RAPGEF4: variants seen among roughly 807,000 people sequenced by gnomAD.
RAPGEF4 encodes the protein Rap guanine nucleotide exchange factor 4, also known as RAP guanine-nucleotide-exchange factor (GEF) 4.
In RAPGEF4, 66 loss-of-function variants were observed where a neutral mutation model predicts 147.9. The ratio of observed to expected loss-of-function variants is 0.45; its 90% CI spans 0.37 to 0.55. The LOEUF (loss-of-function observed/expected upper bound fraction) is 0.55, where lower values mean the gene tolerates loss of function less well. Ranked by LOEUF, RAPGEF4 falls within the 20% of genes least tolerant of loss-of-function variation. The pLI, the probability that RAPGEF4 is intolerant of heterozygous loss-of-function variation, is 0.00. For synonymous variants in RAPGEF4, 419 were observed against 442.7 expected (o/e 0.95, Z 0.67); for missense variants, 1,071 against 1,257.3 (o/e 0.85, Z 2.24).
At chr2:173,032,428 C>T (rs1396271108) in intron 26 of RAPGEF4, among the ~76,000 whole-genome samples, 3 of 152,074 alleles carry the variant, frequency 2.0e-5, no homozygotes, top group African/African-American at 7.2e-5. Context: ...TTTTTATTAC[C>T]CTGTGCCCTA....
intron 4 of RAPGEF4, among the ~76,000 whole-genome samples, chr2:172,816,356 T>A (rs1404451215): frequency 6.6e-6 from 1 of 152,050 alleles, no homozygotes; most frequent in Non-Finnish European, 1.5e-5. Context: ...GGTCAATTTC[T>A]CCCAAATTCA....
chr2:173,001,181 C>A, intron 16 of RAPGEF4, 85 bp from the exon 17 acceptor site: 1 of 1,579,460 alleles, frequency 6.3e-7, no homozygotes. Flanking sequence ...GAACCAATGA[C>A]TAAGAACAAG....
At chr2:172,980,053 G>A (rs1691513226) in intron 10 of RAPGEF4, among the ~76,000 whole-genome samples, 1 of 152,162 alleles carries the variant, frequency 6.6e-6, no homozygotes, top group African/African-American at 2.4e-5. Flanking sequence ...TGGGCTTGAG[G>A]CAGAACAAAA....
chr2:172,761,192 C>G lies in RAPGEF4; in HGVS notation c.65+25144C>G, dbSNP rs188200121. Among the ~76,000 whole-genome samples, 9 of 148,286 alleles carry G rather than the reference C, an allele frequency of 6.1e-5. 1 individual carries two copies. Among genetic ancestry groups the G allele is most frequent in the African/African-American group, 2.2e-4 (9 of 40,224 alleles). On this transcript the variant is annotated intron_variant, in intron 1 of 30. Coordinates refer to ENST00000397081, the MANE Select transcript of RAPGEF4 (RefSeq NM_007023.4). ...CCAGGCTGGAGTGCAATGGCATGAT[C>G]TCAGCTCACTGCAACCTCTGCTCCC...
chr2:172,758,846 G>A (rs1270598906), intron 1 of RAPGEF4, among the ~76,000 whole-genome samples: 5 of 152,172 alleles, frequency 3.3e-5, no homozygotes, highest in Admixed American at 6.5e-5. Flanking sequence ...GAGTTTGGGA[G>A]AGAGGTCTGA....
chr2:173,016,519 T>A, intron 19 of RAPGEF4, 82 bp downstream of exon 19: 1 of 1,197,854 alleles, frequency 8.3e-7, no homozygotes, highest in Non-Finnish European at 1.2e-6. Flanking sequence ...AGGTTAAAGC[T>A]GGTCTTTCCA....
At chr2:172,955,908 G>C (rs149719510) in intron 6 of RAPGEF4, among the ~76,000 whole-genome samples, 2 of 152,136 alleles carry the variant, frequency 1.3e-5, no homozygotes, top group Non-Finnish European at 2.9e-5. Flanking sequence ...TGCTGCTCTC[G>C]GATCAACTCT....
In RAPGEF4 at chr2:172,766,280, G is replaced by A. The variant is rs145106531; in HGVS notation, c.66-28745G>A. Among the ~76,000 whole-genome samples the A allele has an allele frequency of 1.4e-3, 213 of 152,130 alleles. 2 individuals are homozygous for A. Among genetic ancestry groups the A allele is most frequent in the South Asian group, 0.011 (51 of 4,808 alleles). On this transcript the variant is annotated intron_variant, in intron 1 of 30. Coordinates refer to ENST00000397081, the MANE Select transcript of RAPGEF4 (RefSeq NM_007023.4). ...AATTATATAATTTGGGGCCGGGCAC[G>A]GTGGCTCACACCTGTAATGCTGGCA...
intron 10 of RAPGEF4, among the ~76,000 whole-genome samples, chr2:172,973,266 C>A (rs1690704518): frequency 6.6e-6 from 1 of 151,936 alleles, no homozygotes; most frequent in African/African-American, 2.4e-5. Context: ...GCGCATGCCA[C>A]CATGCTCAGC....
At chr2:172,993,444 A>G (rs1279335926) in intron 15 of RAPGEF4, among the ~76,000 whole-genome samples, 4 of 152,136 alleles carry the variant, frequency 2.6e-5, no homozygotes, top group African/African-American at 9.7e-5. Flanking sequence ...ACCCTTCTCT[A>G]TTCTAGGAAC....
chr2:172,897,409 T>TAG (rs1274136075), intron 4 of RAPGEF4, among the ~76,000 whole-genome samples: 1 of 151,308 alleles, frequency 6.6e-6, no homozygotes, highest in Non-Finnish European at 1.5e-5. Flanking sequence ...TATATATATA[T>TAG]AGAGAGAGAG....
intron 29 of RAPGEF4, among the ~76,000 whole-genome samples, chr2:173,037,831 C>G (rs1684250235): frequency 6.6e-6 from 1 of 152,084 alleles, no homozygotes; most frequent in Non-Finnish European, 1.5e-5. Flanking sequence ...GGAATCATGC[C>G]CAGCCCATCT....
chr2:172,960,059 C>T (rs1382735113), intron 6 of RAPGEF4, among the ~76,000 whole-genome samples: 1 of 151,994 alleles, frequency 6.6e-6, no homozygotes, highest in Non-Finnish European at 1.5e-5. Context: ...CACCACTGCA[C>T]TCCAGCCTGG....
At chr2:173,021,085 G>A (rs377539324) in intron 23 of RAPGEF4, among the ~76,000 whole-genome samples, 2 of 152,138 alleles carry the variant, frequency 1.3e-5, no homozygotes, top group Non-Finnish European at 2.9e-5. Context: ...TTGCATTATG[G>A]CAAAGCCACC....
intron 1 of RAPGEF4, among the ~76,000 whole-genome samples, chr2:172,738,227 T>C (rs1268868587): frequency 2.0e-5 from 3 of 152,212 alleles, no homozygotes; most frequent in Non-Finnish European, 4.4e-5. Flanking sequence ...GTCTTGATCC[T>C]CTTTTCCAGG....
At chr2:172,915,578 G>T (rs2150024995) in intron 4 of RAPGEF4, among the ~76,000 whole-genome samples, 1 of 151,634 alleles carries the variant, frequency 6.6e-6, no homozygotes, top group East Asian at 1.9e-4. Context: ...GTGTGTCTGT[G>T]GTCCTGTCCC....
chr2:172,779,331 C>T (rs1267015082), intron 1 of RAPGEF4, among the ~76,000 whole-genome samples: 1 of 152,070 alleles, frequency 6.6e-6, no homozygotes, highest in African/African-American at 2.4e-5. Context: ...TTAAATGGGA[C>T]AGGAGGGTAG....
chr2:172,975,001 G>A (rs1318043295), intron 10 of RAPGEF4, among the ~76,000 whole-genome samples: 2 of 152,192 alleles, frequency 1.3e-5, no homozygotes, highest in Non-Finnish European at 2.9e-5. Flanking sequence ...GCACAGAAAT[G>A]AAGTGCTTTA....
rs79861043 is a variant in RAPGEF4 at position 172,805,319 on chromosome 2, G to A, written c.297+7706G>A. Among the ~76,000 whole-genome samples, 1,515 of 152,236 alleles carry A rather than the reference G, an allele frequency of 1.0e-2. 11 individuals are homozygous for A. The highest frequency in any genetic ancestry group is 0.019 in the East Asian group (101 of 5,184). The stretch of plus-strand genomic sequence containing the variant: ...TTTCTTTTGTTACTGCCTTGAAAAC[G>A]TGTTTGTCCTAAGAATTGTAGGAAA... On this transcript the variant is annotated intron_variant, in intron 3 of 30. Transcript: ENST00000397081.
Sources: allele counts gnomAD v4.1 joint callset (sites outside exome capture counted in the v4.1 genomes callset), GRCh38; gene constraint gnomAD v4.1.1; transcripts MANE v1.5; gene names NCBI Gene and HGNC (gene_info 2026-07-23, HGNC 2026-07-21).